The following ABLIM2 variants were observed in gnomAD, a reference collection of about 807,000 sequenced individuals.
The protein encoded by ABLIM2 is actin-binding LIM protein 2.
A neutral mutation model predicts 97.7 loss-of-function variants in ABLIM2; 53 were observed. The ratio of observed to expected loss-of-function variants is 0.54; its 90% confidence interval spans 0.44 to 0.68. The LOEUF (loss-of-function observed/expected upper bound fraction) is 0.68, where lower values mean the gene tolerates loss of function less well. ABLIM2 is among the 30% of genes least tolerant of loss of function. The pLI is 0.00. For synonymous variants in ABLIM2, 361 were observed against 345.8 expected, an observed-to-expected ratio of 1.04 and a Z score of -0.49; for missense variants, 835 against 867.2, an observed-to-expected ratio of 0.96 and a Z score of 0.47.
At chr4:8,077,544 C>A in intron 6 of ABLIM2, 84 bp downstream of exon 6, 1 of 1,299,156 alleles carries the variant, frequency 7.7e-7, no homozygotes, top group Non-Finnish European at 1.1e-6. Flanking sequence ...CTTGCACAAA[C>A]ACACACAAAT....
At chr4:7,980,643 A>C (rs1020882763) in intron 20 of ABLIM2, among the ~76,000 whole-genome samples, 54 of 151,244 alleles carry the variant, frequency 3.6e-4, no homozygotes, top group African/African-American at 1.3e-3. Context: ...TGAGTCTGGG[A>C]AGTGGGGGTT....
At chr4:8,017,263 G>C (rs1770028133) in intron 14 of ABLIM2, among the ~76,000 whole-genome samples, 1 of 151,592 alleles carries the variant, frequency 6.6e-6, no homozygotes, top group African/African-American at 2.4e-5. Flanking sequence ...TGCCTGTCTT[G>C]TGTTCCTAAT....
In ABLIM2 at chr4:8,003,204, T is replaced by C. The variant is rs1758450309; in HGVS notation, c.1618+4855A>G. ...GAGAAGATCAAAAGTCAAAAATGCA[T>C]TGAATGCACCTAACCTAGCAAACAC... On this transcript the variant is annotated intron_variant, in intron 16 of 20. Coordinates refer to ENST00000447017, the MANE Select transcript of ABLIM2 (RefSeq NM_001130083.2). This position sits in a 1 kb window ranked among gnomAD's most constrained non-coding sequence, Gnocchi z 4.2. 6.6e-6 allele frequency among the ~76,000 whole-genome samples: 1 copy of C among 152,194 alleles called. No individual in the cohort carries two copies. The highest frequency in any genetic ancestry group is 6.5e-5 in the Admixed American group (1 of 15,276).
At position 7,980,214 on chromosome 4, in the gene ABLIM2, C is replaced by A. The variant is rs186507123; in HGVS notation, c.1824+3050G>T. Among the ~76,000 whole-genome samples the A allele has an allele frequency of 3.7e-3, 570 of 152,158 alleles. 1 individual carries two copies. Among genetic ancestry groups the A allele is most frequent in the South Asian group, 7.9e-3 (38 of 4,818 alleles). Reference sequence around the variant, plus strand: ...TTCAGGCCATGAAGGGAAGAGGGGGCGAGTCAGACATGTCTCATTCTACCC... The same window carrying A: ...TTCAGGCCATGAAGGGAAGAGGGGGAGAGTCAGACATGTCTCATTCTACCC... On this transcript the variant is annotated intron_variant, in intron 20 of 20. Transcript: ENST00000447017.
intron 20 of ABLIM2, among the ~76,000 whole-genome samples, chr4:7,969,211 T>C (rs1725549478): frequency 6.6e-6 from 1 of 152,100 alleles, no homozygotes; most frequent in South Asian, 2.1e-4. Flanking sequence ...CCCAGCACTT[T>C]GGGAGGCCAA....
In ABLIM2 at chr4:8,021,632, A is replaced by AC. The variant is rs1773802806; in HGVS notation, c.1268-1330dup. Among the ~76,000 whole-genome samples, 2 of 152,252 alleles carry AC rather than the reference A, an allele frequency of 1.3e-5. No individual in the cohort carries two copies. Among genetic ancestry groups the AC allele is most frequent in the East Asian group, 3.9e-4 (2 of 5,178 alleles). ...GGGCCTGAAGGTGGACTGGCCAGGG[A>AC]CCCCACAGTGGACTCGTGAGGAGGG... On this transcript the variant is annotated intron_variant, in intron 12 of 20. Coordinates refer to ENST00000447017, the MANE Select transcript of ABLIM2 (RefSeq NM_001130083.2). The surrounding 1 kb of genome is among the most constrained non-coding windows in gnomAD (Gnocchi z 5.5).
chr4:8,121,647 G>T (rs983117878), intron 1 of ABLIM2, among the ~76,000 whole-genome samples: 1 of 152,192 alleles, frequency 6.6e-6, no homozygotes, highest in Non-Finnish European at 1.5e-5. Context: ...TGTCCCCCAG[G>T]GTCTCATTGC....
chr4:8,111,241 G>A (rs1034396122), intron 1 of ABLIM2, among the ~76,000 whole-genome samples: 5 of 152,242 alleles, frequency 3.3e-5, no homozygotes, highest in African/African-American at 9.6e-5. Flanking sequence ...AAGAAGCCTG[G>A]AAAGGCTATG....
In ABLIM2 at chr4:8,154,075, G is replaced by A. The variant is rs549974877; in HGVS notation, c.10+4605C>T. Among the ~76,000 whole-genome samples, 3 of 148,454 alleles carry A rather than the reference G, an allele frequency of 2.0e-5. No individual in the cohort carries two copies. The East Asian group carries it at 6.0e-4, about 30-fold the overall frequency. ...CCTCCCAGGTTCACGCCATTCTCCT[G>A]CCTCAGCCTCCCGAGTAGCTGGGTC... On this transcript the variant is annotated intron_variant, in intron 1 of 20. Coordinates refer to ENST00000447017, the MANE Select transcript of ABLIM2 (RefSeq NM_001130083.2).
chr4:8,093,153 T>C (rs1475273073), intron 3 of ABLIM2, among the ~76,000 whole-genome samples: 1 of 152,232 alleles, frequency 6.6e-6, no homozygotes, highest in East Asian at 1.9e-4. Flanking sequence ...CCAGTCTCTT[T>C]TGCCCATTTT....
At chr4:8,135,600 C>T (rs1231915682) in intron 1 of ABLIM2, among the ~76,000 whole-genome samples, 2 of 152,252 alleles carry the variant, frequency 1.3e-5, no homozygotes, top group Non-Finnish European at 2.9e-5. Flanking sequence ...ACTGCATCTG[C>T]TGGTGCCTTC....
chr4:8,037,366 T>C (rs980154662), intron 9 of ABLIM2, among the ~76,000 whole-genome samples: 8 of 150,472 alleles, frequency 5.3e-5, no homozygotes, highest in Non-Finnish European at 1.2e-4. Flanking sequence ...GGCACACACA[T>C]GCACTACACA....
At chr4:8,101,341 C>T (rs1472176099) in intron 2 of ABLIM2, among the ~76,000 whole-genome samples, 2 of 152,258 alleles carry the variant, frequency 1.3e-5, no homozygotes, top group Admixed American at 6.5e-5. Flanking sequence ...GACACTCGTG[C>T]CCTGTGCGGC....
Position 8,001,483 on chromosome 4 carries a change from T to C in ABLIM2, c.1618+6576A>G, listed in dbSNP as rs35901813. 0.15 allele frequency among the ~76,000 whole-genome samples: 23,258 copies of C among 152,074 alleles called. 2,361 individuals are homozygous for C. Among genetic ancestry groups the C allele is most frequent in the African/African-American group, 0.29 (11,939 of 41,478 alleles). On this transcript the variant is annotated intron_variant, in intron 16 of 20. Coordinates refer to ENST00000447017, the MANE Select transcript of ABLIM2 (RefSeq NM_001130083.2). The surrounding 1 kb of genome is among the most constrained non-coding windows in gnomAD (Gnocchi z 4.2). Reference sequence around the variant, plus strand: ...CCCAGCATGCTCTGCCTGGGGCCACTGTCCTCGGGGTGGTGTATACCTCCA... The same window carrying C: ...CCCAGCATGCTCTGCCTGGGGCCACCGTCCTCGGGGTGGTGTATACCTCCA...
intron 6 of ABLIM2, among the ~76,000 whole-genome samples, chr4:8,070,119 T>G (rs1447549334): frequency 6.6e-6 from 1 of 151,990 alleles, no homozygotes; most frequent in East Asian, 1.9e-4. Flanking sequence ...CATGTGTCTA[T>G]GTATGTCTAC....
In ABLIM2 at chr4:8,080,657, G is replaced by C; in HGVS notation, c.581+19C>G. On this transcript the variant is annotated intron_variant, in intron 5 of 20. Transcript: ENST00000447017. ...GAAGCCTGAGCGGAGGCTCTCACTA[G>C]AGCCCTCCCCCCACTTACTTGCTGA... 1 of 1,587,742 alleles carries C rather than the reference G, an allele frequency of 6.3e-7. No homozygotes were observed. The highest frequency in any genetic ancestry group is 2.3e-5 in the East Asian group (1 of 44,046).
At chr4:7,968,990 G>A (rs1725348711) in intron 20 of ABLIM2, among the ~76,000 whole-genome samples, 1 of 151,932 alleles carries the variant, frequency 6.6e-6, no homozygotes, top group Non-Finnish European at 1.5e-5. Flanking sequence ...AAATTAGCCA[G>A]GCATGGTGGC....
At chr4:8,018,148 T>C (rs1312980661) in intron 14 of ABLIM2, among the ~76,000 whole-genome samples, 1 of 152,212 alleles carries the variant, frequency 6.6e-6, no homozygotes, top group Non-Finnish European at 1.5e-5. Flanking sequence ...GTTTGCTCTC[T>C]TCCCCTTTCT....
chr4:8,040,694 G>A (rs1787838042), intron 9 of ABLIM2, among the ~76,000 whole-genome samples: 1 of 152,186 alleles, frequency 6.6e-6, no homozygotes, highest in Admixed American at 6.5e-5. Context: ...CATCATCTTG[G>A]TGAAGAGCCG....
Sources: allele counts gnomAD v4.1 joint callset (sites outside exome capture counted in the v4.1 genomes callset), GRCh38; gene constraint gnomAD v4.1.1; non-coding constraint Gnocchi (gnomAD v3.1); transcripts MANE v1.5; gene names NCBI Gene and HGNC (gene_info 2026-07-23, HGNC 2026-07-21).